TBCEL: variants seen among roughly 807,000 people sequenced by gnomAD.
TBCEL encodes the protein tubulin-specific chaperone cofactor E-like protein.
A neutral mutation model predicts 44.2 loss-of-function variants in TBCEL; 15 were observed. That is an observed-to-expected ratio of 0.34 (90% CI 0.23 to 0.52). The LOEUF (loss-of-function observed/expected upper bound fraction) is 0.52, where lower values mean the gene tolerates loss of function less well. Ranked by LOEUF, TBCEL falls within the 20% of genes least tolerant of loss-of-function variation. The pLI is 0.95. For synonymous variants in TBCEL, 171 were observed against 185.4 expected (o/e 0.92, Z 0.63); for missense variants, 319 against 506.3 (o/e 0.63, Z 3.55).
chr11:121,036,687 G>C (rs1487778011), intron 2 of TBCEL, 75 bp downstream of exon 2: 2 of 152,142 alleles, frequency 1.3e-5, no homozygotes, highest in East Asian at 3.9e-4. Context: ...TGACATTCTG[G>C]GGCTAGTGTA....
At chr11:121,033,047 C>A (rs1945171288) in intron 1 of TBCEL, among the ~76,000 whole-genome samples, 1 of 152,132 alleles carries the variant, frequency 6.6e-6, no homozygotes, top group South Asian at 2.1e-4. Context: ...TTACACATAT[C>A]TTTATAGCAT....
intron 8 of TBCEL, among the ~76,000 whole-genome samples, chr11:121,066,932 T>C (rs1257067379): frequency 1.3e-5 from 2 of 152,212 alleles, no homozygotes; most frequent in Non-Finnish European, 2.9e-5. Context: ...ACATTCTTTT[T>C]CATTTAATGA....
At chr11:121,057,266 A>T (rs1336879253) in intron 6 of TBCEL, among the ~76,000 whole-genome samples, 1 of 151,754 alleles carries the variant, frequency 6.6e-6, no homozygotes, top group South Asian at 2.1e-4. Flanking sequence ...ATAGGATGGG[A>T]CTATGTTGTT....
chr11:121,051,320 G>A (rs925214176), intron 4 of TBCEL, among the ~76,000 whole-genome samples: 2 of 151,598 alleles, frequency 1.3e-5, no homozygotes, highest in South Asian at 2.1e-4. Flanking sequence ...TTTTTAAAGC[G>A]TTTTCCTCTT....
rs571846038 is a variant in TBCEL, at chr11:121,049,562, ATATT to A, written c.273+1902_273+1905del. Among the ~76,000 whole-genome samples, 51 of 151,942 alleles carry A rather than the reference ATATT, an allele frequency of 3.4e-4. No homozygotes were observed. The East Asian group carries it at 9.5e-3, about 28-fold the overall frequency. ...TAAAAAATAATTTCTATTTGTATAT[ATATT>A]TATTTACTTATCTGAACAACTTGTA... On this transcript the variant is annotated intron_variant, in intron 4 of 8. Transcript: ENST00000683345.
chr11:121,072,780 C>A (rs1945959653), intron 8 of TBCEL, among the ~76,000 whole-genome samples: 1 of 151,992 alleles, frequency 6.6e-6, no homozygotes, highest in African/African-American at 2.4e-5. Flanking sequence ...TTTAAAGAAA[C>A]CTGTTTTCCC....
intron 2 of TBCEL, among the ~76,000 whole-genome samples, chr11:121,042,636 A>T (rs531222911): frequency 2.9e-4 from 44 of 152,246 alleles, no homozygotes; most frequent in African/African-American, 1.0e-3. Flanking sequence ...TATGATATTG[A>T]TGCCATTTAT....
Position 121,055,265 on chromosome 11 carries a change from C to A in TBCEL, c.669C>A (p.Ala223=), listed in dbSNP as rs1211969681. 1 of 1,611,150 alleles carries A rather than the reference C, an allele frequency of 6.2e-7. No individual in the cohort carries two copies. The highest frequency in any genetic ancestry group is 1.3e-5 in the African/African-American group (1 of 74,686). Residue 223 remains alanine (A), a synonymous_variant, in exon 6 of 9, where the codon GCC becomes GCA. Transcript: ENST00000683345. ...NAIEEPDDSL[A]RLFPNLRSIS... ...TTGAGGAGCCTGATGATTCATTGGC[C>A]AGGTTGTTTCCTAATCTTCGATCCA...
At chr11:121,075,182 G>A (rs1018442451) in intron 8 of TBCEL, among the ~76,000 whole-genome samples, 2 of 151,944 alleles carry the variant, frequency 1.3e-5, no homozygotes, top group African/African-American at 2.4e-5. Flanking sequence ...AAGAGATTGT[G>A]ATACTGGTCA....
At chr11:121,024,816 T>G (rs1300764841) in intron 1 of TBCEL, among the ~76,000 whole-genome samples, 2 of 152,174 alleles carry the variant, frequency 1.3e-5, no homozygotes, top group Non-Finnish European at 2.9e-5. Context: ...GGCCTGCTCT[T>G]ACCAGGGGCT....
At chr11:121,036,239 A>G (rs1464870431) in intron 1 of TBCEL, 2 of 152,234 alleles carry the variant, frequency 1.3e-5, no homozygotes, top group African/African-American at 4.8e-5. Context: ...GAGTAAATGT[A>G]TCTGATCCTG....
At chr11:121,067,278 A>T (rs1209539594) in intron 8 of TBCEL, among the ~76,000 whole-genome samples, 1 of 152,242 alleles carries the variant, frequency 6.6e-6, no homozygotes, top group Non-Finnish European at 1.5e-5. Flanking sequence ...AGAGATTCAC[A>T]TACCTGTTTT....
At chr11:121,060,227 CAA>C (rs1945695907) in intron 8 of TBCEL, 142 bp downstream of exon 8, 4 of 614,474 alleles carry the variant, frequency 6.5e-6, no homozygotes, top group Non-Finnish European at 1.2e-5. Flanking sequence ...GGAAGAAACA[CAA>C]GAGCAAACCT....
At chr11:121,042,624 A>T (rs1201162528) in intron 2 of TBCEL, among the ~76,000 whole-genome samples, 6 of 152,150 alleles carry the variant, frequency 3.9e-5, no homozygotes. Context: ...CACTTTACTC[A>T]TTATGATATT....
intron 1 of TBCEL, among the ~76,000 whole-genome samples, chr11:121,027,801 G>A (rs1442331944): frequency 6.6e-6 from 1 of 152,116 alleles, no homozygotes; most frequent in South Asian, 2.1e-4. Context: ...TTATAAATGC[G>A]TGGTGAACAG....
chr11:121,076,781 T>C (rs967222690), intron 8 of TBCEL, among the ~76,000 whole-genome samples: 1 of 152,020 alleles, frequency 6.6e-6, no homozygotes, highest in Non-Finnish European at 1.5e-5. Context: ...AAAAGTGATG[T>C]TAGCTATAGG....
At chr11:121,045,617 T>C in intron 2 of TBCEL, 57 bp from the exon 3 acceptor site, 1 of 1,410,758 alleles carries the variant, frequency 7.1e-7, no homozygotes, top group Non-Finnish European at 9.6e-7. Flanking sequence ...CAATAAATAC[T>C]TCTTATGTGA....
In TBCEL at chr11:121,087,336, C is replaced by T. The variant is rs1383385943; in HGVS notation, c.*240C>T. The T allele has an allele frequency of 1.2e-5, 6 of 486,246 alleles. No homozygotes were observed. The highest frequency in any genetic ancestry group is 2.6e-5 in the South Asian group (1 of 38,116). The allele number at this position is 486,246 out of a possible 1,614,324, so 30.1% of individuals were successfully genotyped here. A position where few individuals can be genotyped will look rare whatever the true frequency, so the allele number is the denominator to read the frequency against. On this transcript the variant is annotated 3_prime_UTR_variant, in exon 9 of 9. Coordinates refer to ENST00000683345, the MANE Select transcript of TBCEL (RefSeq NM_001363644.2). ...GCCACATTTCCAGTGTATGTGCCCT[C>T]TCTAAGGAAAGATGACAAAGAAATC...
rs1379745247 is a variant in TBCEL at position 121,088,505 on chromosome 11, C to A, written c.*1409C>A. 2 of 152,068 alleles carry A rather than the reference C, an allele frequency of 1.3e-5. No homozygotes were observed. Among genetic ancestry groups the A allele is most frequent in the East Asian group, 1.9e-4 (1 of 5,198 alleles). The allele number at this position is 152,068 out of a possible 1,614,324, so 9.4% of individuals were successfully genotyped here. A position where few individuals can be genotyped will look rare whatever the true frequency, so the allele number is the denominator to read the frequency against. ...TTAATGTGTATTTTTCTTGGTCCAC[C>A]ATGTTTACAGATGGGAGACTTGAGA... On this transcript the variant is annotated 3_prime_UTR_variant, in exon 9 of 9. Coordinates refer to ENST00000683345, the MANE Select transcript of TBCEL (RefSeq NM_001363644.2).
Sources: gnomAD v4.1 joint callset for allele counts (sites outside exome capture counted in the v4.1 genomes callset) on GRCh38, gnomAD v4.1.1 for gene constraint, MANE v1.5 for transcripts, NCBI Gene and HGNC (gene_info 2026-07-23, HGNC 2026-07-21) for gene names.